Variants in ATRN observed in about 807,000 individuals in gnomAD.
ATRN encodes attractin.
ATRN carries 54 observed loss-of-function variants against 178.7 expected under a neutral mutation model. The observed-to-expected ratio is 0.30, with a 90% confidence interval of 0.24 to 0.38. The LOEUF is 0.38. ATRN is among the 10% of genes least tolerant of loss of function. ATRN has a pLI of 1.00. For missense variants in ATRN, 1,443 were observed against 1,815.1 expected (o/e 0.79, Z 3.73); for synonymous variants, 636 against 663.0 (o/e 0.96, Z 0.63).
At chr20:3,501,454 T>G (rs905274755) in intron 1 of ATRN, among the ~76,000 whole-genome samples, 3 of 152,124 alleles carry the variant, frequency 2.0e-5, no homozygotes, top group Non-Finnish European at 4.4e-5. Flanking sequence ...TTATTTCATG[T>G]TGGGGTCAAG....
At chr20:3,618,017 C>T (rs1343385239) in intron 24 of ATRN, among the ~76,000 whole-genome samples, 1 of 152,166 alleles carries the variant, frequency 6.6e-6, no homozygotes, top group African/African-American at 2.4e-5. Flanking sequence ...TCTGAGGGCT[C>T]CTCCCTGTGG....
chr20:3,586,025 C>T (rs117031000), intron 18 of ATRN, among the ~76,000 whole-genome samples: 5,844 of 152,198 alleles, frequency 0.038, 149 homozygotes, highest in Non-Finnish European at 0.056. Context: ...AGTTATCATA[C>T]GGCCCAGCAG....
chr20:3,584,498 G>A (rs1300971685), intron 17 of ATRN, 149 bp from the exon 18 acceptor site: 1 of 663,596 alleles, frequency 1.5e-6, no homozygotes, highest in Admixed American at 3.0e-5. Context: ...CAAAATACTG[G>A]GCTCTTTACA....
At chr20:3,594,421 C>G (rs1297710921) in intron 19 of ATRN, 58 bp from the exon 20 acceptor site, 2 of 1,448,434 alleles carry the variant, frequency 1.4e-6, no homozygotes, top group Non-Finnish European at 1.9e-6. Context: ...GAAAAAGTCT[C>G]CAATAGTCAG....
intron 1 of ATRN, among the ~76,000 whole-genome samples, chr20:3,516,951 G>A (rs1311890924): frequency 1.3e-5 from 2 of 151,898 alleles, no homozygotes; most frequent in Admixed American, 6.6e-5. Flanking sequence ...AAACATACAT[G>A]TGCATGTGCC....
chr20:3,535,463 C>A, intron 2 of ATRN, 127 bp downstream of exon 2: 1 of 363,802 alleles, frequency 2.7e-6, no homozygotes, highest in Non-Finnish European at 5.0e-6. Context: ...GATAACCTTT[C>A]ATTTGACAAG....
At chr20:3,583,198 C>A (rs2086304568) in intron 16 of ATRN, among the ~76,000 whole-genome samples, 1 of 152,146 alleles carries the variant, frequency 6.6e-6, no homozygotes, top group Non-Finnish European at 1.5e-5. Flanking sequence ...AATTCTGAAT[C>A]CTTTGTTGAA....
intron 3 of ATRN, among the ~76,000 whole-genome samples, chr20:3,545,298 C>T (rs929197714): frequency 6.7e-6 from 1 of 148,508 alleles, no homozygotes; most frequent in Non-Finnish European, 1.5e-5. Context: ...AACCCCGGGA[C>T]GCAGAGATTG....
chr20:3,591,918 C>G (rs1294410126), intron 19 of ATRN, among the ~76,000 whole-genome samples: 1 of 152,156 alleles, frequency 6.6e-6, no homozygotes, highest in Non-Finnish European at 1.5e-5. Flanking sequence ...GGAGCGTGAC[C>G]CGTGAGGTAG....
At chr20:3,573,392 T>G (rs1306968375) in intron 12 of ATRN, among the ~76,000 whole-genome samples, 2 of 152,208 alleles carry the variant, frequency 1.3e-5, no homozygotes, top group Non-Finnish European at 2.9e-5. Context: ...TTAATTTAAT[T>G]TTAATTTAAA....
chr20:3,520,619 A>G (rs1016450327), intron 1 of ATRN, among the ~76,000 whole-genome samples: 2 of 152,116 alleles, frequency 1.3e-5, no homozygotes, highest in East Asian at 1.9e-4. Flanking sequence ...CTCAGACTCA[A>G]GAGTACTTGG....
At chr20:3,594,236 T>A (rs934119871) in intron 19 of ATRN, among the ~76,000 whole-genome samples, 3 of 152,342 alleles carry the variant, frequency 2.0e-5, no homozygotes, top group African/African-American at 7.2e-5. Context: ...TAGTCATTGC[T>A]TCAGAAGGCA....
chr20:3,634,234 C>T, intron 25 of ATRN, 77 bp from the exon 26 acceptor site: 1 of 1,382,146 alleles, frequency 7.2e-7, no homozygotes, highest in Admixed American at 1.7e-5. Context: ...TTTTCACTGC[C>T]TGGCCTGAGG....
At chr20:3,472,600 G>A (rs777691770) in intron 1 of ATRN, among the ~76,000 whole-genome samples, 4 of 152,208 alleles carry the variant, frequency 2.6e-5, no homozygotes, top group Admixed American at 6.5e-5. Context: ...AAACAGCGTG[G>A]TCTGATAGAG....
In ATRN at chr20:3,644,197, A is replaced by C; in HGVS notation, c.4094A>C (p.Lys1365Thr). Residue 1365 changes from lysine to threonine, a missense_variant, in exon 28 of 29, where the codon AAA becomes ACA. Physicochemically the swap from Lys to Thr is moderately conservative, Grantham distance 78. Coordinates refer to ENST00000262919, the MANE Select transcript of ATRN (RefSeq NM_139321.3). ...GCACTGGAGCCGTGTTTTGGCAACA[A>C]AGCCGCTGTCCTCTCTGTGTTTGTG... ...PIALEPCFGN[K>T]AAVLSVFVRL... 6.2e-7 allele frequency: 1 copy of C among 1,614,224 alleles called. No homozygotes were observed. Among genetic ancestry groups the C allele is most frequent in the Non-Finnish European group, 8.5e-7 (1 of 1,180,034 alleles).
rs962994553 is a variant in ATRN at position 3,632,308 on chromosome 20, A to G, written c.3864-2003A>G. 6.6e-6 allele frequency among the ~76,000 whole-genome samples: 1 copy of G among 152,074 alleles called. No homozygotes were observed. The highest frequency in any genetic ancestry group is 6.5e-5 in the Admixed American group (1 of 15,278). On this transcript the variant is annotated intron_variant, in intron 25 of 28. Coordinates refer to ENST00000262919, the MANE Select transcript of ATRN (RefSeq NM_139321.3). This position sits in a 1 kb window ranked among gnomAD's most constrained non-coding sequence, Gnocchi z 4.2. ...TAATGGTTTTCTCAGCAAACGTTAA[A>G]TCACAACACTCTGTTTAAAAACCTG...
At chr20:3,576,735 G>GTCTA in intron 13 of ATRN, 124 bp from the exon 14 acceptor site, 3 of 290,518 alleles carry the variant, frequency 1.0e-5, no homozygotes, top group South Asian at 6.8e-5. Flanking sequence ...CTATCTATCT[G>GTCTA]TCTATCTATT....
intron 1 of ATRN, among the ~76,000 whole-genome samples, chr20:3,493,020 TATC>T (rs1308319452): frequency 6.9e-6 from 1 of 144,598 alleles, no homozygotes; most frequent in Non-Finnish European, 1.5e-5. Context: ...AATTGTATAT[TATC>T]TATAATTATA....
chr20:3,562,558 G>A (rs1294348539), intron 9 of ATRN, 99 bp downstream of exon 9: 9 of 1,235,466 alleles, frequency 7.3e-6, no homozygotes, highest in African/African-American at 1.5e-5. Context: ...ATGCCTGGCA[G>A]ATAATTCTGT....
Sources: gnomAD v4.1 joint callset for allele counts (sites outside exome capture counted in the v4.1 genomes callset) on GRCh38, gnomAD v4.1.1 for gene constraint, Gnocchi (gnomAD v3.1) non-coding constraint, MANE v1.5 for transcripts, NCBI Gene and HGNC (gene_info 2026-07-23, HGNC 2026-07-21) for gene names.